TGM7: variants seen among roughly 807,000 people sequenced by gnomAD.
TGM7 encodes the protein transglutaminase 7, also known as protein-glutamine gamma-glutamyltransferase Z.
TGM7 carries 74 observed loss-of-function variants against 79.5 expected under a neutral mutation model. That is an observed-to-expected ratio of 0.93 (90% CI 0.77 to 1.13). The LOEUF (loss-of-function observed/expected upper bound fraction) is 1.13, where lower values mean the gene tolerates loss of function less well. Ranked by LOEUF, TGM7 falls within the 50% of genes most tolerant of loss-of-function variation. TGM7 has a pLI of 0.00. For synonymous variants in TGM7, 354 were observed against 362.5 expected (o/e 0.98, Z 0.27); for missense variants, 912 against 905.9 (o/e 1.01, Z -0.09).
chr15:43,281,870 A>G lies in TGM7; in HGVS notation c.1325T>C (p.Ile442Thr), dbSNP rs574687460. Residue 442 changes from isoleucine to threonine, a missense_variant, in exon 9 of 13, where the codon ATC becomes ACC. By Grantham distance (89) the Ile-to-Thr change is moderately conservative. Coordinates refer to ENST00000452443, the MANE Select transcript of TGM7 (RefSeq NM_052955.3). ...TTCTGGGTACTTGTAGGAGCTGGTG[A>G]TGCTCTGGCGCTGGTCTGACCCCAC... Reference protein sequence around the residue: ...KMVGSDQRQSITSSYKYPEGS... With the variant: ...KMVGSDQRQSTTSSYKYPEGS... 11 of 1,614,178 alleles carry G rather than the reference A, an allele frequency of 6.8e-6. No individual in the cohort carries two copies. The South Asian group carries it at 7.7e-5, about 11-fold the overall frequency.
chr15:43,280,622 TA>T (rs368685481), intron 9 of TGM7, among the ~76,000 whole-genome samples: 6 of 146,492 alleles, frequency 4.1e-5, no homozygotes, highest in South Asian at 2.2e-4. Flanking sequence ...AAACTCCGCC[TA>T]AAAAAAAAAC....
chr15:43,291,376 C>G (rs886588306), intron 4 of TGM7, among the ~76,000 whole-genome samples: 2 of 152,154 alleles, frequency 1.3e-5, no homozygotes, highest in Non-Finnish European at 1.5e-5. Context: ...TATTGATTTG[C>G]ATGTGTTGAA....
intron 1 of TGM7, among the ~76,000 whole-genome samples, chr15:43,295,810 T>G (rs1186126471): frequency 2.0e-5 from 3 of 152,238 alleles, no homozygotes; most frequent in African/African-American, 7.2e-5. Flanking sequence ...TTTTGTAAGG[T>G]AGATTCAACA....
intron 2 of TGM7, 94 bp from the exon 3 acceptor site, chr15:43,293,048 C>T: frequency 6.6e-7 from 1 of 1,522,196 alleles, no homozygotes; most frequent in Non-Finnish European, 8.8e-7. Flanking sequence ...CTTCTCCCAC[C>T]ACCTGCTAAT....
intron 7 of TGM7, among the ~76,000 whole-genome samples, chr15:43,283,035 G>A (rs1280319451): frequency 6.6e-6 from 1 of 152,164 alleles, no homozygotes; most frequent in Non-Finnish European, 1.5e-5. Flanking sequence ...GGGCCACAGA[G>A]TGAGACTCCA....
At chr15:43,290,426 C>G (rs2042958094) in intron 4 of TGM7, among the ~76,000 whole-genome samples, 1 of 152,124 alleles carries the variant, frequency 6.6e-6, no homozygotes, top group African/African-American at 2.4e-5. Context: ...TGATCTATAT[C>G]TCTGTTTTGG....
In TGM7 at chr15:43,277,061, C is replaced by A. The variant is rs180796271; in HGVS notation, c.1840-66G>T. On this transcript the variant is annotated intron_variant, in intron 11 of 12. Coordinates refer to ENST00000452443, the MANE Select transcript of TGM7 (RefSeq NM_052955.3). ...TCGCTTCTGCACTCTGGTTCAGTTACCCCCACCCCCAGGTCCCTGGCGACC... is the reference window on the plus strand; with the variant it reads ...TCGCTTCTGCACTCTGGTTCAGTTAACCCCACCCCCAGGTCCCTGGCGACC... 257 of 1,576,010 alleles carry A rather than the reference C, an allele frequency of 1.6e-4. No homozygotes were observed. In the African/African-American group the frequency reaches 3.1e-3, roughly 19 times the overall value.
At chr15:43,299,740 ATTG>A (rs1019552375) in intron 1 of TGM7, among the ~76,000 whole-genome samples, 1 of 152,074 alleles carries the variant, frequency 6.6e-6, no homozygotes, top group African/African-American at 2.4e-5. Context: ...ATTTCTCATT[ATTG>A]TTGTCCATTT....
rs1233469326 is a variant in TGM7 at position 43,287,424 on chromosome 15, C to G, written c.721G>C (p.Gly241Arg). 2 of 1,614,034 alleles carry G rather than the reference C, an allele frequency of 1.2e-6. No homozygotes were observed. The highest frequency in any genetic ancestry group is 2.7e-5 in the African/African-American group (2 of 74,936). The part of the protein sequence containing the change: ...NSNDDNGVLQ[G>R]NWGEDYSKGV... Reference sequence around the variant, plus strand: ...TTGGAGTAGTCCTCGCCCCAGTTCCCCTGCAGCACGCCATTGTCATCGTTG... The same window carrying G: ...TTGGAGTAGTCCTCGCCCCAGTTCCGCTGCAGCACGCCATTGTCATCGTTG... The change falls in exon 6 of 13, where the codon GGG (glycine) becomes CGG (arginine). Residue 241 changes from glycine to arginine, a missense_variant. By Grantham distance (125) the Gly-to-Arg change is moderately radical (BLOSUM62 -2). Coordinates refer to ENST00000452443, the MANE Select transcript of TGM7 (RefSeq NM_052955.3).
chr15:43,293,610 G>A lies in TGM7; in HGVS notation c.32C>T (p.Ser11Phe), dbSNP rs780008799. 2 of 1,607,254 alleles carry A rather than the reference G, an allele frequency of 1.2e-6. No individual in the cohort carries two copies. The highest frequency in any genetic ancestry group is 1.3e-5 in the African/African-American group (1 of 74,192). MDQVATLRLE[S>F]VDLQSSRNNK... ...GTTCCTGGAGCTCTGCAGGTCGACA[G>A]ACTCAAGCCGCAAGGTTGCCACTAG... The change falls in exon 2 of 13, where the codon TCT becomes TTT. Residue 11 changes from serine to phenylalanine, a missense_variant. Physicochemically the swap from Ser to Phe is radical, Grantham distance 155. Transcript: ENST00000452443.
intron 4 of TGM7, among the ~76,000 whole-genome samples, chr15:43,291,188 T>C (rs1378706180): frequency 6.6e-6 from 1 of 152,228 alleles, no homozygotes; most frequent in East Asian, 1.9e-4. Context: ...CAGTATGATA[T>C]TGGCTGTGGG....
At chr15:43,294,273 A>G (rs2042981616) in intron 1 of TGM7, among the ~76,000 whole-genome samples, 1 of 152,144 alleles carries the variant, frequency 6.6e-6, no homozygotes, top group African/African-American at 2.4e-5. Context: ...AGCCATTTCC[A>G]GGTCTATGAG....
At chr15:43,282,341 C>T (rs934538998) in intron 8 of TGM7, among the ~76,000 whole-genome samples, 176 bp downstream of exon 8, 8 of 152,226 alleles carry the variant, frequency 5.3e-5, no homozygotes, top group African/African-American at 1.2e-4. Flanking sequence ...GTAACCCATC[C>T]GGGTGACTCT....
At chr15:43,288,214 C>T (rs2042945879) in intron 4 of TGM7, among the ~76,000 whole-genome samples, 1 of 152,200 alleles carries the variant, frequency 6.6e-6, no homozygotes, top group Non-Finnish European at 1.5e-5. Flanking sequence ...AATAGACGTG[C>T]ACAATGTTTG....
At chr15:43,296,448 C>CAG (rs1361476174) in intron 1 of TGM7, among the ~76,000 whole-genome samples, 2 of 136,286 alleles carry the variant, frequency 1.5e-5, no homozygotes, top group African/African-American at 6.0e-5. Context: ...AAAAAAAAGT[C>CAG]AGAGAGCAGC....
Position 43,287,474 on chromosome 15 carries a change from G to A in TGM7, c.688-17C>T, listed in dbSNP as rs990947554. On this transcript the variant is annotated splice_polypyrimidine_tract_variant and intron_variant, in intron 5 of 12. Transcript: ENST00000452443. ...GCTGTTGATCTGCAGAGGACAGACA[G>A]GTGGGTTTCCACAGCTCCCGGGGAA... 6.2e-7 allele frequency: 1 copy of A among 1,613,470 alleles called. No homozygotes were observed. The highest frequency in any genetic ancestry group is 8.5e-7 in the Non-Finnish European group (1 of 1,179,522).
intron 7 of TGM7, 25 bp from the exon 8 acceptor site, chr15:43,282,645 G>A: frequency 6.4e-7 from 1 of 1,562,532 alleles, no homozygotes; most frequent in African/African-American, 1.3e-5. Flanking sequence ...AAGGAGACAA[G>A]GATTCATGTT....
chr15:43,287,661 C>T lies in TGM7; in HGVS notation c.567G>A (p.Glu189=). Residue 189 remains glutamate (E), a synonymous_variant, in exon 5 of 13, where the codon GAG becomes GAA. Coordinates refer to ENST00000452443, the MANE Select transcript of TGM7 (RefSeq NM_052955.3). ...SWPWNYGQFE[E]DIIDICFEIL... ...TCTCAAAGCAGATGTCTATGATGTC[C>T]TCTTCAAACTTCCAAGTGATTTTAA... The T allele has an allele frequency of 6.2e-7, 1 of 1,607,804 alleles. No individual in the cohort carries two copies. The highest frequency in any genetic ancestry group is 8.5e-7 in the Non-Finnish European group (1 of 1,178,498).
chr15:43,298,010 T>C (rs1222326204), intron 1 of TGM7, among the ~76,000 whole-genome samples: 1 of 152,268 alleles, frequency 6.6e-6, no homozygotes, highest in Non-Finnish European at 1.5e-5. Context: ...CGTGGAATAC[T>C]TACCAATGCC....
Sources: allele counts gnomAD v4.1 joint callset (sites outside exome capture counted in the v4.1 genomes callset), GRCh38; gene constraint gnomAD v4.1.1; transcripts MANE v1.5; gene names NCBI Gene and HGNC (gene_info 2026-07-23, HGNC 2026-07-21).